Variants in SOX6 observed in about 807,000 individuals in gnomAD.
SOX6 encodes transcription factor SOX-6.
A neutral mutation model predicts 97.8 loss-of-function variants in SOX6; 11 were observed. The observed-to-expected ratio is 0.11, with a 90% CI of 0.07 to 0.19. The LOEUF is 0.19. Ranked by LOEUF, SOX6 falls within the 10% of genes least tolerant of loss-of-function variation. The pLI is 1.00. For synonymous variants in SOX6, 360 were observed against 371.4 expected (o/e 0.97, Z 0.35); for missense variants, 810 against 1,039.5 (o/e 0.78, Z 3.04).
chr11:16,397,183 C>T (rs961950735), intron 1 of SOX6, among the ~76,000 whole-genome samples: 1 of 151,358 alleles, frequency 6.6e-6, no homozygotes, highest in Non-Finnish European at 1.5e-5. Context: ...AATCATTTCT[C>T]CATGCCCATT....
At chr11:16,655,489 G>T (rs572179338) in intron 3 of SOX6, among the ~76,000 whole-genome samples, 5 of 152,182 alleles carry the variant, frequency 3.3e-5, no homozygotes, top group Non-Finnish European at 5.9e-5. Flanking sequence ...TTACAGGCAA[G>T]ATTAACAAAA....
chr11:15,976,284 T>TGAA (rs1315129212), intron 15 of SOX6, among the ~76,000 whole-genome samples: 1 of 152,182 alleles, frequency 6.6e-6, no homozygotes, highest in East Asian at 1.9e-4. Context: ...CAGAATGGCT[T>TGAA]GGGTTTAAAT....
intron 3 of SOX6, among the ~76,000 whole-genome samples, chr11:16,652,034 T>C (rs931805961): frequency 6.6e-6 from 1 of 151,960 alleles, no homozygotes; most frequent in Admixed American, 6.6e-5. Context: ...AAAAAATATA[T>C]GCCTAAAAAT....
rs1855216451 is a variant in SOX6 at position 16,300,161 on chromosome 11, C to T, written c.445+18285G>A. On this transcript the variant is annotated intron_variant, in intron 3 of 15. Transcript: ENST00000683767. The surrounding 1 kb of genome is among the most constrained non-coding windows in gnomAD (Gnocchi z 4.1). ...CCCTTCCTCCTTCAGCAAGCTTCCC[C>T]AGTACTTGGGGTGTCTAATGGCCAC... 6.6e-6 allele frequency among the ~76,000 whole-genome samples: 1 copy of T among 152,046 alleles called. No individual in the cohort carries two copies. Among genetic ancestry groups the T allele is most frequent in the Admixed American group, 6.6e-5 (1 of 15,252 alleles).
intron 4 of SOX6, among the ~76,000 whole-genome samples, chr11:16,611,106 A>G (rs1299873662): frequency 6.6e-6 from 1 of 152,232 alleles, no homozygotes; most frequent in Non-Finnish European, 1.5e-5. Context: ...AGCAAAGGCA[A>G]TTCGGCTTTG....
rs1590219765 is a variant in SOX6 at position 16,484,317 on chromosome 11, C to A, written n.610-7929G>T. ...TCATCCAATGGGGAAAATTCCCTCC[C>A]AGGCTTAAAGCCAGTTGGCCAGTGA... On this transcript the variant is annotated intron_variant and non_coding_transcript_variant, in intron 4 of 5. Transcript: ENST00000524520. The A allele has an allele frequency of 2.0e-5, 20 of 994,518 alleles. No homozygotes were observed. In the East Asian group the frequency reaches 4.7e-4, roughly 24 times the overall value. 61.6% of individuals were successfully genotyped at this position (994,518 alleles called of 1,614,324 possible). A position where few individuals can be genotyped will look rare whatever the true frequency, so the allele number is the denominator to read the frequency against.
chr11:16,213,226 A>G (rs1852275751), intron 4 of SOX6, among the ~76,000 whole-genome samples: 1 of 152,054 alleles, frequency 6.6e-6, no homozygotes, highest in East Asian at 1.9e-4. Context: ...GGTTTAGTAT[A>G]TCAGGGAAAA....
intron 9 of SOX6, among the ~76,000 whole-genome samples, chr11:16,060,192 C>A (rs1847911835): frequency 6.6e-6 from 1 of 151,732 alleles, no homozygotes; most frequent in Non-Finnish European, 1.5e-5. Flanking sequence ...GACTATGAAT[C>A]CTTCAAATTG....
intron 4 of SOX6, among the ~76,000 whole-genome samples, chr11:16,501,354 A>C (rs1860704803): frequency 6.6e-6 from 1 of 152,278 alleles, no homozygotes; most frequent in South Asian, 2.1e-4. Context: ...AACCATAAAA[A>C]CCCTAGAAGA....
intron 11 of SOX6, among the ~76,000 whole-genome samples, chr11:16,046,993 G>A (rs1017028436): frequency 1.3e-5 from 2 of 152,024 alleles, no homozygotes; most frequent in Non-Finnish European, 2.9e-5. Context: ...CATATTGGGG[G>A]AAGGTATTTG....
intron 4 of SOX6, among the ~76,000 whole-genome samples, chr11:16,498,793 A>G (rs1860653288): frequency 6.6e-6 from 1 of 152,256 alleles, no homozygotes; most frequent in African/African-American, 2.4e-5. Flanking sequence ...ATAAAGGAGC[A>G]CCCAGATTCA....
At chr11:16,596,000 G>T (rs893392301) in intron 4 of SOX6, among the ~76,000 whole-genome samples, 18 of 152,010 alleles carry the variant, frequency 1.2e-4, no homozygotes, top group African/African-American at 4.1e-4. Flanking sequence ...CAATAAAAAA[G>T]AAGTTATGAT....
intron 13 of SOX6, among the ~76,000 whole-genome samples, chr11:16,009,608 G>A (rs1262147160): frequency 1.3e-5 from 2 of 152,040 alleles, no homozygotes; most frequent in African/African-American, 4.8e-5. Flanking sequence ...CCAGTATTCT[G>A]TCTTCAGACT....
chr11:16,626,759 C>A (rs1041783323), intron 3 of SOX6, among the ~76,000 whole-genome samples: 1 of 152,150 alleles, frequency 6.6e-6, no homozygotes, highest in Non-Finnish European at 1.5e-5. Context: ...AATCATATTT[C>A]ATTAAATATA....
At chr11:16,454,371 C>A (rs1013263838) in intron 1 of SOX6, among the ~76,000 whole-genome samples, 2 of 151,970 alleles carry the variant, frequency 1.3e-5, no homozygotes, top group African/African-American at 4.8e-5. Flanking sequence ...TAAAGCCATC[C>A]CAAAAAAGTC....
At chr11:16,348,246 T>C (rs1387314813) in intron 1 of SOX6, among the ~76,000 whole-genome samples, 3 of 152,148 alleles carry the variant, frequency 2.0e-5, no homozygotes, top group Admixed American at 6.6e-5. Flanking sequence ...CCAAGCTGCA[T>C]TGCCAGGAGC....
chr11:16,591,178 C>T (rs1227640113), intron 4 of SOX6, among the ~76,000 whole-genome samples: 1 of 151,990 alleles, frequency 6.6e-6, no homozygotes, highest in Non-Finnish European at 1.5e-5. Context: ...TTGCAGCATC[C>T]AGCAGTTCAC....
chr11:16,366,477 T>C (rs1857360995), intron 1 of SOX6, among the ~76,000 whole-genome samples: 1 of 152,126 alleles, frequency 6.6e-6, no homozygotes, highest in Non-Finnish European at 1.5e-5. Context: ...ATGGGTAATA[T>C]TATCCACAAT....
At chr11:16,600,760 AAC>A (rs1334751077) in intron 4 of SOX6, among the ~76,000 whole-genome samples, 4 of 152,212 alleles carry the variant, frequency 2.6e-5, no homozygotes, top group Non-Finnish European at 4.4e-5. Flanking sequence ...GGAAAATAAA[AAC>A]ACTTTCCTGT....
Sources: gnomAD v4.1 joint callset for allele counts (sites outside exome capture counted in the v4.1 genomes callset) on GRCh38, gnomAD v4.1.1 for gene constraint, Gnocchi (gnomAD v3.1) non-coding constraint, MANE v1.5 for transcripts, NCBI Gene and HGNC (gene_info 2026-07-23, HGNC 2026-07-21) for gene names.